The following BBS9 variants were observed in gnomAD, a reference collection of about 807,000 sequenced individuals.
BBS9 encodes the protein Bardet-Biedl syndrome 9, also known as protein PTHB1.
Under a neutral mutation model 117.7 loss-of-function variants are expected in BBS9, and 89 were observed. The observed-to-expected ratio is 0.76, with a 90% CI of 0.64 to 0.90. BBS9 has a LOEUF of 0.90. Ranked by LOEUF, BBS9 falls within the 40% of genes least tolerant of loss-of-function variation. The pLI is 0.00. For missense variants in BBS9, 982 were observed against 1,042.2 expected, an observed-to-expected ratio of 0.94 and a Z score of 0.80; for synonymous variants, 379 against 370.9, an observed-to-expected ratio of 1.02 and a Z score of -0.25.
intron 9 of BBS9, among the ~76,000 whole-genome samples, chr7:33,304,546 G>T (rs1489066387): frequency 1.3e-5 from 2 of 149,968 alleles, no homozygotes; most frequent in African/African-American, 4.9e-5. Context: ...CGGCTGCCCT[G>T]TCTGGGAAGT....
intron 19 of BBS9, among the ~76,000 whole-genome samples, chr7:33,450,662 G>A (rs960619828): frequency 5.3e-5 from 8 of 152,246 alleles, no homozygotes; most frequent in African/African-American, 1.9e-4. Flanking sequence ...TTGGCCATTT[G>A]CATGTTTTCT....
intron 19 of BBS9, among the ~76,000 whole-genome samples, chr7:33,405,838 A>G (rs557045608): frequency 1.3e-5 from 2 of 151,526 alleles, no homozygotes; most frequent in East Asian, 1.9e-4. Context: ...TTGTGTCTCT[A>G]TTTCCTTCAG....
intron 5 of BBS9, among the ~76,000 whole-genome samples, chr7:33,196,689 T>C (rs1785003245): frequency 1.3e-5 from 2 of 152,186 alleles, no homozygotes; most frequent in Non-Finnish European, 2.9e-5. Flanking sequence ...TGTTTTATTA[T>C]ATTGGAGAAC....
rs577157821 is a variant in BBS9 at position 33,595,154 on chromosome 7, C to T, written c.2522-9711C>T. Among the ~76,000 whole-genome samples the T allele has an allele frequency of 4.6e-5, 7 of 152,132 alleles. No individual in the cohort carries two copies. The East Asian group carries it at 7.7e-4, about 17-fold the overall frequency. ...ATGGGCAAAGACTTCATGACAAAAC[C>T]GCCAAAAGCAATTGCAACAAAAGCC... On this transcript the variant is annotated intron_variant, in intron 21 of 22. Transcript: ENST00000242067.
chr7:33,488,987 T>C (rs1843501961), intron 19 of BBS9, among the ~76,000 whole-genome samples: 1 of 134,336 alleles, frequency 7.4e-6, no homozygotes, highest in African/African-American at 2.9e-5. Flanking sequence ...AGGACAGACT[T>C]CTTTTTTTTT....
chr7:33,606,451 A>G (rs922125161), downstream of BBS9, among the ~76,000 whole-genome samples: 3 of 152,166 alleles, frequency 2.0e-5, no homozygotes, highest in Non-Finnish European at 4.4e-5. Flanking sequence ...TAGCAGGTGA[A>G]CTATGGAAGC....
chr7:33,448,341 G>A (rs546443979), intron 19 of BBS9, among the ~76,000 whole-genome samples: 25 of 152,174 alleles, frequency 1.6e-4, no homozygotes, highest in African/African-American at 5.1e-4. Context: ...GTCTTTTCCT[G>A]TCTGTGATGT....
At chr7:33,278,407 A>C (rs752659602) in intron 9 of BBS9, among the ~76,000 whole-genome samples, 1 of 152,230 alleles carries the variant, frequency 6.6e-6, no homozygotes, top group Non-Finnish European at 1.5e-5. Flanking sequence ...CAGTTTTAGC[A>C]TAGCACTTAA....
chr7:33,135,596 A>G (rs1244721940), intron 1 of BBS9, among the ~76,000 whole-genome samples: 1 of 152,112 alleles, frequency 6.6e-6, no homozygotes, highest in African/African-American at 2.4e-5. Context: ...GTAAGTTTTG[A>G]TATGGGGAAG....
In BBS9 at chr7:33,200,696, T is replaced by TC. The variant is rs572527273; in HGVS notation, c.442+23112dup. Among the ~76,000 whole-genome samples, 51 of 152,226 alleles carry TC rather than the reference T, an allele frequency of 3.4e-4. No individual in the cohort carries two copies. The South Asian group carries it at 0.01, about 30-fold the overall frequency. ...CTTCCTGTTATCTAGAGACAAGGAATCCCCCCCAACACCCAATTTTCTTCC... is the reference window on the plus strand; with the variant it reads ...CTTCCTGTTATCTAGAGACAAGGAATCCCCCCCCAACACCCAATTTTCTTCC... On this transcript the variant is annotated intron_variant, in intron 5 of 22. Coordinates refer to ENST00000242067, the MANE Select transcript of BBS9 (RefSeq NM_198428.3).
At chr7:33,176,787 CT>C (rs1348669221) in intron 4 of BBS9, among the ~76,000 whole-genome samples, 1 of 152,056 alleles carries the variant, frequency 6.6e-6, no homozygotes, top group African/African-American at 2.4e-5. Context: ...AATCCTTTTT[CT>C]TTCCAACACA....
intron 5 of BBS9, among the ~76,000 whole-genome samples, chr7:33,210,074 G>A (rs540451728): frequency 3.9e-5 from 6 of 151,982 alleles, no homozygotes; most frequent in African/African-American, 1.4e-4. Context: ...TATTTCATAG[G>A]TTTCGGTACA....
At chr7:33,414,080 C>G (rs1211314596) in intron 19 of BBS9, among the ~76,000 whole-genome samples, 7 of 152,014 alleles carry the variant, frequency 4.6e-5, no homozygotes, top group Non-Finnish European at 1.0e-4. Context: ...AAAAACCAAA[C>G]TGAAGAAGAA....
intron 21 of BBS9, among the ~76,000 whole-genome samples, chr7:33,621,935 C>G (rs571033119): frequency 6.6e-6 from 1 of 152,146 alleles, no homozygotes; most frequent in South Asian, 2.1e-4. Flanking sequence ...ATGGGCTGGG[C>G]GCAGTGGTTC....
intron 19 of BBS9, among the ~76,000 whole-genome samples, chr7:33,456,331 T>A (rs1838654349): frequency 6.6e-6 from 1 of 152,206 alleles, no homozygotes; most frequent in Non-Finnish European, 1.5e-5. Flanking sequence ...AATGTGCATT[T>A]AATTAAGAAA....
intron 21 of BBS9, among the ~76,000 whole-genome samples, chr7:33,632,070 G>A (rs754695855): frequency 9.2e-5 from 14 of 152,108 alleles, no homozygotes; most frequent in Non-Finnish European, 1.5e-4. Flanking sequence ...AATTGTTTGC[G>A]GGCCAGACTG....
chr7:33,363,684 ATTT>A (rs754006835), intron 16 of BBS9, among the ~76,000 whole-genome samples: 2 of 139,010 alleles, frequency 1.4e-5, no homozygotes, highest in Non-Finnish European at 1.6e-5. Context: ...TATTTTTTAG[ATTT>A]TTTTTTTTTT....
chr7:33,572,503 T>C (rs999007366), intron 21 of BBS9, among the ~76,000 whole-genome samples: 1 of 152,128 alleles, frequency 6.6e-6, no homozygotes, highest in Admixed American at 6.6e-5. Flanking sequence ...TTTTAGTTTT[T>C]TGAGGAACCT....
At chr7:33,253,468 G>T (rs1005024050) in intron 5 of BBS9, among the ~76,000 whole-genome samples, 9 of 152,106 alleles carry the variant, frequency 5.9e-5, no homozygotes, top group African/African-American at 2.2e-4. Flanking sequence ...ACAAAAATCA[G>T]CCAGGGGTGG....
Sources: gnomAD v4.1 joint callset for allele counts (sites outside exome capture counted in the v4.1 genomes callset) on GRCh38, gnomAD v4.1.1 for gene constraint, MANE v1.5 for transcripts, NCBI Gene and HGNC (gene_info 2026-07-23, HGNC 2026-07-21) for gene names.